Variants in CCDC102B observed in about 807,000 individuals in gnomAD.
The protein encoded by CCDC102B is coiled-coil domain-containing protein 102B.
A neutral mutation model predicts 57.4 loss-of-function variants in CCDC102B; 75 were observed. The ratio of observed to expected loss-of-function variants is 1.31; its 90% CI spans 1.08 to 1.58. The LOEUF (loss-of-function observed/expected upper bound fraction) is 1.58. CCDC102B is among the 40% of genes most tolerant of loss of function. The pLI is 0.00. For synonymous variants in CCDC102B, 206 were observed against 201.9 expected (o/e 1.02, Z -0.17); for missense variants, 636 against 582.6 (o/e 1.09, Z -0.94).
chr18:68,942,993 T>C (rs1309315786), intron 6 of CCDC102B, among the ~76,000 whole-genome samples: 2 of 132,948 alleles, frequency 1.5e-5, no homozygotes, highest in East Asian at 4.4e-4. Context: ...GTGATGACTT[T>C]TAACAAGCAT....
intron 1 of CCDC102B, among the ~76,000 whole-genome samples, chr18:68,811,747 G>A (rs900156678): frequency 6.6e-6 from 1 of 152,144 alleles, no homozygotes; most frequent in Non-Finnish European, 1.5e-5. Flanking sequence ...TTTCTGGAAG[G>A]GGAGCATGGT....
intron 6 of CCDC102B, among the ~76,000 whole-genome samples, chr18:68,973,903 C>T (rs1023615237): frequency 1.3e-5 from 2 of 152,044 alleles, no homozygotes; most frequent in African/African-American, 4.8e-5. Context: ...CTGCTATTCA[C>T]TGTTCTGCAA....
chr18:68,972,966 G>A (rs2050340057), intron 6 of CCDC102B, among the ~76,000 whole-genome samples: 1 of 151,964 alleles, frequency 6.6e-6, no homozygotes, highest in Admixed American at 6.6e-5. Context: ...TTTAATCATG[G>A]GATGCTTTCA....
At chr18:68,788,210 C>A (rs1478798557) in intron 2 of CCDC102B, among the ~76,000 whole-genome samples, 1 of 152,156 alleles carries the variant, frequency 6.6e-6, no homozygotes, top group African/African-American at 2.4e-5. Flanking sequence ...GTTATAATTT[C>A]TGATCTTTTA....
At chr18:68,827,511 G>T (rs1038941437) in intron 1 of CCDC102B, among the ~76,000 whole-genome samples, 1 of 151,932 alleles carries the variant, frequency 6.6e-6, no homozygotes, top group Non-Finnish European at 1.5e-5. Context: ...AAAAAATACT[G>T]TACATATATC....
intron 7 of CCDC102B, among the ~76,000 whole-genome samples, chr18:69,033,510 T>A (rs186461440): frequency 6.6e-6 from 1 of 152,232 alleles, no homozygotes; most frequent in East Asian, 1.9e-4. Flanking sequence ...ACTTTCCGAT[T>A]TTGGACACTT....
At chr18:69,028,856 A>G (rs2052062188) in intron 7 of CCDC102B, among the ~76,000 whole-genome samples, 1 of 152,080 alleles carries the variant, frequency 6.6e-6, no homozygotes, top group Non-Finnish European at 1.5e-5. Flanking sequence ...CATTTATATC[A>G]TAATTCCTTC....
At chr18:68,733,510 T>A (rs2169695) in intron 2 of CCDC102B, among the ~76,000 whole-genome samples, 101,658 of 128,484 alleles carry the variant, frequency 0.79, 41,760 homozygotes, top group South Asian at 0.94. Flanking sequence ...ATATATATTT[T>A]TTTAACTTAA....
intron 5 of CCDC102B, among the ~76,000 whole-genome samples, chr18:68,892,547 C>A (rs2040116184): frequency 6.6e-6 from 1 of 152,158 alleles, no homozygotes; most frequent in African/African-American, 2.4e-5. Context: ...GACAGGTTTG[C>A]AGCTACCAGT....
Position 68,904,903 on chromosome 18 carries a change from T to G in CCDC102B, c.1263+7475T>G, listed in dbSNP as rs62099065. Among the ~76,000 whole-genome samples, 1,322 of 152,328 alleles carry G rather than the reference T, an allele frequency of 8.7e-3. 14 individuals carry two copies. The highest frequency in any genetic ancestry group is 0.014 in the Non-Finnish European group (984 of 68,018). ...TCTTATACTATTCACTGCTATGTTT[T>G]GCTAAAATCATGAATTTTAAATCTC... On this transcript the variant is annotated intron_variant, in intron 6 of 7. Transcript: ENST00000360242.
intron 2 of CCDC102B, among the ~76,000 whole-genome samples, chr18:68,743,158 G>T (rs796855464): frequency 3.3e-5 from 5 of 151,858 alleles, no homozygotes; most frequent in African/African-American, 1.2e-4. Flanking sequence ...CTGAGGTCAG[G>T]ACTTTGAGAC....
At chr18:68,889,951 C>T (rs916739053) in intron 5 of CCDC102B, among the ~76,000 whole-genome samples, 1 of 152,138 alleles carries the variant, frequency 6.6e-6, no homozygotes, top group African/African-American at 2.4e-5. Flanking sequence ...TGTGTTCATC[C>T]TGTACTTTCC....
intron 1 of CCDC102B, among the ~76,000 whole-genome samples, chr18:68,821,289 T>C (rs937389884): frequency 7.2e-5 from 11 of 152,146 alleles, no homozygotes; most frequent in Non-Finnish European, 1.6e-4. Context: ...TTTAGTGCAG[T>C]CATTTATTCT....
At chr18:68,897,827 T>C in intron 6 of CCDC102B, 1 of 328,546 alleles carries the variant, frequency 3.0e-6, no homozygotes, top group Non-Finnish European at 5.8e-6. Context: ...CTATGGTAAG[T>C]ATCTGCATAA....
chr18:68,778,993 A>T (rs1599447707), intron 2 of CCDC102B, among the ~76,000 whole-genome samples: 2 of 151,970 alleles, frequency 1.3e-5, no homozygotes, highest in Admixed American at 1.3e-4. Context: ...CTAAATTTGG[A>T]TAGAGGTTAT....
At chr18:68,956,358 A>AT (rs1555732917) in intron 6 of CCDC102B, among the ~76,000 whole-genome samples, 1 of 58,352 alleles carries the variant, frequency 1.7e-5, no homozygotes, top group African/African-American at 5.1e-5. Context: ...ATTAATATAT[A>AT]TAATATATAT....
At chr18:68,825,585 G>T (rs1191140830) in intron 1 of CCDC102B, among the ~76,000 whole-genome samples, 1 of 152,074 alleles carries the variant, frequency 6.6e-6, no homozygotes, top group Non-Finnish European at 1.5e-5. Context: ...AGCTACTCAT[G>T]AGGCTGAGGC....
At chr18:68,769,702 C>G (rs997659077) in intron 2 of CCDC102B, among the ~76,000 whole-genome samples, 3 of 150,986 alleles carry the variant, frequency 2.0e-5, no homozygotes, top group African/African-American at 7.3e-5. Flanking sequence ...CTATGAGTTA[C>G]CAAAAAAAAA....
intron 1 of CCDC102B, among the ~76,000 whole-genome samples, chr18:68,799,852 T>C (rs1213436755): frequency 6.6e-6 from 1 of 152,184 alleles, no homozygotes; most frequent in African/African-American, 2.4e-5. Flanking sequence ...TATCAGACGT[T>C]GTACTCAATA....
Sources: gnomAD v4.1 joint callset for allele counts (sites outside exome capture counted in the v4.1 genomes callset) on GRCh38, gnomAD v4.1.1 for gene constraint, MANE v1.5 for transcripts, NCBI Gene and HGNC (gene_info 2026-07-23, HGNC 2026-07-21) for gene names.